The following ANGPTL3 variants were observed in gnomAD, a reference collection of about 807,000 sequenced individuals.
ANGPTL3 encodes angiopoietin-related protein 3.
Under a neutral mutation model 52.7 loss-of-function variants are expected in ANGPTL3, and 51 were observed. That is an observed-to-expected ratio of 0.97 (90% CI 0.77 to 1.22). The LOEUF is 1.22. Among genes scored for constraint, ANGPTL3 ranks in the 50% most tolerant of loss-of-function variants. The pLI is 0.00. For missense variants in ANGPTL3, 506 were observed against 520.7 expected, an observed-to-expected ratio of 0.97 and a Z score of 0.27; for synonymous variants, 185 against 179.8, an observed-to-expected ratio of 1.03 and a Z score of -0.23.
chr1:62,597,852 G>C lies in ANGPTL3; in HGVS notation c.286G>C (p.Glu96Gln). ...SLQTSEIKEEEKELRRTTYKL... is the reference protein window; with the variant it reads ...SLQTSEIKEEQKELRRTTYKL... ...GCAAACCAGTGAAATCAAAGAAGAA[G>C]AAAAGGAACTGAGAAGAACTACATA... The change falls in exon 1 of 7, where the codon GAA (glutamate) becomes CAA (glutamine). Residue 96 changes from glutamate (E) to glutamine (Q), a missense_variant. Coordinates refer to ENST00000371129, the MANE Select transcript of ANGPTL3 (RefSeq NM_014495.4). 1 of 1,603,550 alleles carries C rather than the reference G, an allele frequency of 6.2e-7. No homozygotes were observed. Among genetic ancestry groups the C allele is most frequent in the Non-Finnish European group, 8.5e-7 (1 of 1,175,650 alleles).
intron 2 of ANGPTL3, among the ~76,000 whole-genome samples, chr1:62,599,221 G>A (rs1472777130): frequency 1.3e-5 from 2 of 151,906 alleles, no homozygotes; most frequent in African/African-American, 4.8e-5. Context: ...CCAACCCTTC[G>A]TCATCTCACT....
Position 62,597,890 on chromosome 1 carries a change from C to A in ANGPTL3, c.324C>A (p.Val108=), listed in dbSNP as rs1441931775. ...GAAGAACTACATATAAACTACAAGT[C>A]AAAAATGAAGAGGTAAAGAATATGT... is the stretch of plus-strand genomic sequence containing the variant. ...ELRRTTYKLQ[V]KNEEVKNMSL... is the part of the protein sequence containing the mutation. Residue 108 remains valine (V), a synonymous_variant, in exon 1 of 7, where the codon GTC becomes GTA. Coordinates refer to ENST00000371129, the MANE Select transcript of ANGPTL3 (RefSeq NM_014495.4). 3 of 1,571,656 alleles carry A rather than the reference C, an allele frequency of 1.9e-6. No homozygotes were observed. The highest frequency in any genetic ancestry group is 2.0e-5 in the Admixed American group (1 of 51,078).
chr1:62,600,301 T>C (rs1210883710), intron 2 of ANGPTL3, among the ~76,000 whole-genome samples: 1 of 151,572 alleles, frequency 6.6e-6, no homozygotes, highest in Non-Finnish European at 1.5e-5. Flanking sequence ...AAAACAAAAC[T>C]CTAAAAATTT....
At chr1:62,601,380 C>T (rs1243053890) in intron 3 of ANGPTL3, among the ~76,000 whole-genome samples, 184 bp downstream of exon 3, 1 of 151,480 alleles carries the variant, frequency 6.6e-6, no homozygotes, top group Non-Finnish European at 1.5e-5. Context: ...CAGAGAAATA[C>T]AAATATGGAC....
In ANGPTL3 at chr1:62,604,574, C is replaced by A. The variant is rs1295398028; in HGVS notation, c.1199-59C>A. ...AGGAAGATAAACTTACGGGGAAATA[C>A]AGTAACAGTAACTACATACGAGTCT... On this transcript the variant is annotated intron_variant, in intron 6 of 6. Transcript: ENST00000371129. The A allele has an allele frequency of 2.0e-6, 3 of 1,513,052 alleles. No homozygotes were observed. In the Admixed American group the frequency reaches 5.0e-5, roughly 25 times the overall value. 93.7% of individuals were successfully genotyped at this position (1,513,052 alleles called of 1,614,324 possible).
chr1:62,601,964 G>T, intron 4 of ANGPTL3, 82 bp downstream of exon 4: 1 of 803,728 alleles, frequency 1.2e-6, no homozygotes. Context: ...GGTTATCATT[G>T]TTTTATACAT....
intron 5 of ANGPTL3, among the ~76,000 whole-genome samples, chr1:62,603,160 AC>A (rs1650405728): frequency 6.6e-6 from 1 of 151,700 alleles, no homozygotes; most frequent in South Asian, 2.1e-4. Flanking sequence ...AGTGAGTGTA[AC>A]CCCAAAATAA....
chr1:62,602,387 G>C lies in ANGPTL3; in HGVS notation c.931+7G>C, dbSNP rs774149887. On this transcript the variant is annotated splice_region_variant and intron_variant, in intron 5 of 6. Coordinates refer to ENST00000371129, the MANE Select transcript of ANGPTL3 (RefSeq NM_014495.4). Reference sequence around the variant, plus strand: ...GGTTTTGGGAGGCTTGATGGTAAGGGGACTACATTCAATCATTCATTCACT... The same window carrying C: ...GGTTTTGGGAGGCTTGATGGTAAGGCGACTACATTCAATCATTCATTCACT... 1.2e-6 allele frequency: 2 copies of C among 1,606,364 alleles called. No individual in the cohort carries two copies. The highest frequency in any genetic ancestry group is 2.7e-5 in the African/African-American group (2 of 74,658).
At chr1:62,603,768 T>A (rs1256345833) in intron 5 of ANGPTL3, among the ~76,000 whole-genome samples, 2 of 151,908 alleles carry the variant, frequency 1.3e-5, no homozygotes, top group Non-Finnish European at 2.9e-5. Context: ...TCAGTTATAT[T>A]AATATTTTTA....
At chr1:62,603,659 C>T (rs1396798396) in intron 5 of ANGPTL3, among the ~76,000 whole-genome samples, 1 of 151,706 alleles carries the variant, frequency 6.6e-6, no homozygotes, top group Non-Finnish European at 1.5e-5. Flanking sequence ...AAATATTCCT[C>T]TACCAATGAC....
chr1:62,603,836 G>A (rs960356171), intron 5 of ANGPTL3, 133 bp from the exon 6 acceptor site: 1 of 803,768 alleles, frequency 1.2e-6, no homozygotes, highest in African/African-American at 1.7e-5. Flanking sequence ...ATTATTTTAA[G>A]ATACACTAAA....
chr1:62,598,834 C>T, intron 2 of ANGPTL3, 28 bp downstream of exon 2: 2 of 1,323,108 alleles, frequency 1.5e-6, no homozygotes, highest in South Asian at 2.4e-5. Flanking sequence ...TGGTATGTCC[C>T]ATCTTTCACA....
chr1:62,602,811 C>G (rs906154972), intron 5 of ANGPTL3, among the ~76,000 whole-genome samples: 2 of 151,408 alleles, frequency 1.3e-5, no homozygotes, highest in African/African-American at 4.8e-5. Flanking sequence ...CTCAGACATA[C>G]AGTATACATT....
At position 62,605,719 on chromosome 1, in the gene ANGPTL3, C is replaced by A. The variant is rs749696011; in HGVS notation, c.*902C>A. On this transcript the variant is annotated 3_prime_UTR_variant, in exon 7 of 7. Transcript: ENST00000371129. ...ATAAACCTCGTAACAAGTTACTGAACGTTTAAACAGCCTGACAAGCATGTA... is the reference window on the plus strand; with the variant it reads ...ATAAACCTCGTAACAAGTTACTGAAAGTTTAAACAGCCTGACAAGCATGTA... 6.6e-6 allele frequency: 1 copy of A among 152,260 alleles called. No homozygotes were observed. Among genetic ancestry groups the A allele is most frequent in the Non-Finnish European group, 1.5e-5 (1 of 67,860 alleles). 9.4% of individuals were successfully genotyped at this position (152,260 alleles called of 1,614,324 possible). A position where few individuals can be genotyped will look rare whatever the true frequency, so the allele number is the denominator to read the frequency against.
chr1:62,602,494 C>A, intron 5 of ANGPTL3, 114 bp downstream of exon 5: 2 of 852,338 alleles, frequency 2.3e-6, no homozygotes, highest in Non-Finnish European at 4.0e-6. Flanking sequence ...GCAGTCTCAG[C>A]CTTCATATAA....
intron 5 of ANGPTL3, 86 bp from the exon 6 acceptor site, chr1:62,603,883 T>C (rs778944252): frequency 2.0e-4 from 252 of 1,283,664 alleles, no homozygotes; most frequent in Non-Finnish European, 2.6e-4. Context: ...ACTCAATTAG[T>C]TGCACCAATA....
At chr1:62,599,246 T>C (rs1649751150) in intron 2 of ANGPTL3, among the ~76,000 whole-genome samples, 1 of 152,064 alleles carries the variant, frequency 6.6e-6, no homozygotes, top group African/African-American at 2.4e-5. Context: ...TCACCTCCTC[T>C]ACTCTAGTTA....
At position 62,598,825 on chromosome 1, in the gene ANGPTL3, G is replaced by A. The variant is rs1649683562; in HGVS notation, c.606+19G>A. The A allele has an allele frequency of 8.4e-6, 12 of 1,423,094 alleles. 1 individual carries two copies. The African/African-American group carries it at 1.3e-4, about 15-fold the overall frequency. 88.2% of individuals were successfully genotyped at this position (1,423,094 alleles called of 1,614,324 possible). ...AAATCAGGTAAGTCAGTATTTTAAT[G>A]GTATGTCCCATCTTTCACACAGGTC... On this transcript the variant is annotated intron_variant, in intron 2 of 6. Transcript: ENST00000371129.
rs1048193036 is a variant in ANGPTL3, at chr1:62,606,017, A to T, written c.*1200A>T. ...CCTACCTTTGTCAATACTTAGCATTATGTATTTCAAATTATCCAATATACA... is the reference window on the plus strand; with the variant it reads ...CCTACCTTTGTCAATACTTAGCATTTTGTATTTCAAATTATCCAATATACA... On this transcript the variant is annotated 3_prime_UTR_variant, in exon 7 of 7. Coordinates refer to ENST00000371129, the MANE Select transcript of ANGPTL3 (RefSeq NM_014495.4). 1 of 152,078 alleles carries T rather than the reference A, an allele frequency of 6.6e-6. No homozygotes were observed. The highest frequency in any genetic ancestry group is 1.5e-5 in the Non-Finnish European group (1 of 67,956). The allele number at this position is 152,078 out of a possible 1,614,324, so 9.4% of individuals were successfully genotyped here.
Sources: gnomAD v4.1 joint callset for allele counts (sites outside exome capture counted in the v4.1 genomes callset) on GRCh38, gnomAD v4.1.1 for gene constraint, MANE v1.5 for transcripts, NCBI Gene and HGNC (gene_info 2026-07-23, HGNC 2026-07-21) for gene names.